PDE1A: variants seen among roughly 807,000 people sequenced by gnomAD.
PDE1A encodes phosphodiesterase 1A, also known as dual specificity calcium/calmodulin-dependent 3',5'-cyclic nucleotide phosphodiesterase 1A.
Under a neutral mutation model 61.7 loss-of-function variants are expected in PDE1A, and 35 were observed. That is an observed-to-expected ratio of 0.57 (90% CI 0.43 to 0.75). The LOEUF is 0.75. Among genes scored for constraint, PDE1A ranks in the 30% least tolerant of loss-of-function variants. The pLI is 0.00. For synonymous variants in PDE1A, 232 were observed against 213.2 expected, an observed-to-expected ratio of 1.09 and a Z score of -0.77; for missense variants, 597 against 630.6, an observed-to-expected ratio of 0.95 and a Z score of 0.57.
the PDE1A span, among the ~76,000 whole-genome samples, chr2:182,577,655 T>C: frequency 6.6e-6 from 1 of 152,202 alleles, no homozygotes; most frequent in African/African-American, 2.4e-5. Context: ...CTCATAGAAT[T>C]GCATTCATAA....
the PDE1A span, among the ~76,000 whole-genome samples, chr2:182,549,710 TA>T: frequency 3.9e-5 from 6 of 152,176 alleles, no homozygotes; most frequent in Non-Finnish European, 7.4e-5. Context: ...TCTAAGTACA[TA>T]TTTTTTTCAT....
At chr2:182,423,328 G>C (rs139427336) in intron 1 of PDE1A, among the ~76,000 whole-genome samples, 3 of 152,152 alleles carry the variant, frequency 2.0e-5, no homozygotes, top group Non-Finnish European at 4.4e-5. Context: ...CTAACTACAG[G>C]AAATGATTTG....
At chr2:182,172,540 A>T (rs3769809) in intron 13 of PDE1A, among the ~76,000 whole-genome samples, 82,202 of 151,840 alleles carry the variant, frequency 0.54, 22,476 homozygotes, top group East Asian at 0.59. Flanking sequence ...TCGATAAGGC[A>T]TGTGTAGTTA....
chr2:182,602,981 T>TCACACACA, the PDE1A span, among the ~76,000 whole-genome samples: 372 of 148,778 alleles, frequency 2.5e-3, no homozygotes, highest in Non-Finnish European at 3.1e-3. Flanking sequence ...CTAAAATACA[T>TCACACACA]CACACACACA....
intron 7 of PDE1A, among the ~76,000 whole-genome samples, chr2:182,214,072 G>T (rs879668427): frequency 1.3e-5 from 2 of 148,160 alleles, no homozygotes; most frequent in Non-Finnish European, 3.0e-5. Flanking sequence ...CGGATCTCTC[G>T]GCAGAAACCC....
the PDE1A span, among the ~76,000 whole-genome samples, chr2:182,567,761 T>C: frequency 7.9e-4 from 120 of 152,060 alleles, 1 homozygote; most frequent in East Asian, 0.022. Context: ...GTATAAATCA[T>C]TTTAATGTTT....
upstream of PDE1A, among the ~76,000 whole-genome samples, chr2:182,428,366 G>A (rs1485804510): frequency 6.6e-6 from 1 of 152,064 alleles, no homozygotes; most frequent in Non-Finnish European, 1.5e-5. Flanking sequence ...TAGAAGTTAT[G>A]ATGCCTGATA....
At chr2:182,319,656 T>G (rs115459692) in intron 1 of PDE1A, among the ~76,000 whole-genome samples, 1 of 152,140 alleles carries the variant, frequency 6.6e-6, no homozygotes, top group African/African-American at 2.4e-5. Context: ...AAGTAAGAAG[T>G]ATGTTTAAGC....
intron 1 of PDE1A, among the ~76,000 whole-genome samples, chr2:182,350,530 C>T (rs974166616): frequency 2.0e-5 from 3 of 152,042 alleles, no homozygotes; most frequent in Admixed American, 2.0e-4. Context: ...ATGCAAGGCC[C>T]CTTTTTAAAA....
chr2:182,394,532 G>T (rs751270120), intron 1 of PDE1A, among the ~76,000 whole-genome samples: 1 of 150,170 alleles, frequency 6.7e-6, no homozygotes, highest in South Asian at 2.1e-4. Flanking sequence ...GGGGAAAGGG[G>T]AATGACCAGA....
At chr2:182,429,466 A>AG (rs1559455276), upstream of PDE1A, among the ~76,000 whole-genome samples, 1 of 151,966 alleles carries the variant, frequency 6.6e-6, no homozygotes, top group Non-Finnish European at 1.5e-5. Flanking sequence ...TTTTTTCCTG[A>AG]GGGGGGTCAG....
At chr2:182,147,393 C>A (rs1664782600) in intron 13 of PDE1A, among the ~76,000 whole-genome samples, 1 of 152,076 alleles carries the variant, frequency 6.6e-6, no homozygotes, top group Non-Finnish European at 1.5e-5. Context: ...TATGAAAATA[C>A]AGAAATAAAA....
At chr2:182,150,927 C>T (rs779141987) in intron 13 of PDE1A, among the ~76,000 whole-genome samples, 1 of 152,268 alleles carries the variant, frequency 6.6e-6, no homozygotes, top group East Asian at 1.9e-4. Context: ...GTCCTCCAGT[C>T]AGGGTCTCAC....
At chr2:182,342,898 A>C (rs1024107896) in intron 1 of PDE1A, among the ~76,000 whole-genome samples, 12 of 152,230 alleles carry the variant, frequency 7.9e-5, no homozygotes, top group Non-Finnish European at 4.4e-5. Context: ...GGGCTCCAGA[A>C]TAATAAGACA....
At chr2:182,565,788 G>A in the PDE1A span, among the ~76,000 whole-genome samples, 1 of 152,100 alleles carries the variant, frequency 6.6e-6, no homozygotes, top group African/African-American at 2.4e-5. Flanking sequence ...TCCAGTAAAA[G>A]TTCTTCCAGG....
At chr2:182,371,120 C>T (rs922647019) in intron 1 of PDE1A, among the ~76,000 whole-genome samples, 25 of 152,028 alleles carry the variant, frequency 1.6e-4, no homozygotes, top group Non-Finnish European at 3.1e-4. Flanking sequence ...AACTTAATGT[C>T]ATTTGATTCT....
chr2:182,502,063 G>A (rs1403254221), intron 2 of PDE1A, among the ~76,000 whole-genome samples: 1 of 151,966 alleles, frequency 6.6e-6, no homozygotes, highest in African/African-American at 2.4e-5. Context: ...TCCACCTCCT[G>A]TCCTCAGCCA....
At chr2:182,529,188 G>A in the PDE1A span, among the ~76,000 whole-genome samples, 2 of 152,322 alleles carry the variant, frequency 1.3e-5, no homozygotes, top group East Asian at 3.9e-4. Context: ...CTGGGAGGGA[G>A]GCTATAACCT....
intron 3 of PDE1A, among the ~76,000 whole-genome samples, chr2:182,239,401 TA>T (rs1424078981): frequency 6.6e-6 from 1 of 152,168 alleles, no homozygotes; most frequent in Non-Finnish European, 1.5e-5. Context: ...CTGTCAAACA[TA>T]AAATGTCTAT....
Sources: allele counts gnomAD v4.1 joint callset (sites outside exome capture counted in the v4.1 genomes callset), GRCh38; gene constraint gnomAD v4.1.1; transcripts MANE v1.5; gene names NCBI Gene and HGNC (gene_info 2026-07-23, HGNC 2026-07-21).